Variants in OR11G2 observed in about 807,000 individuals in gnomAD.
OR11G2 encodes olfactory receptor family 11 subfamily G member 2.
Under a neutral mutation model 0.9 loss-of-function variants are expected in OR11G2, and 2 were observed. That is an observed-to-expected ratio of 2.35 (90% CI 0.96 to 7.38). The LOEUF is 7.38. OR11G2 is among the 30% of genes most tolerant of loss of function. The probability of loss-of-function intolerance (pLI) is 0.05; values close to 1 mark genes in which losing one functional copy is unlikely to be tolerated. For missense variants in OR11G2, 395 were observed against 371.3 expected (o/e 1.06, Z -0.52); for synonymous variants, 153 against 142.0 (o/e 1.08, Z -0.55).
chr14:20,192,833 T>A (rs1959340), intron 1 of OR11G2, among the ~76,000 whole-genome samples: 145,401 of 152,258 alleles, frequency 0.95, 69,503 homozygotes, highest in Non-Finnish European at 0.97. Flanking sequence ...AGAGCAAAAA[T>A]CCTGAGTCCT....
chr14:20,193,907 C>T (rs946282092), intron 1 of OR11G2, among the ~76,000 whole-genome samples: 2 of 152,124 alleles, frequency 1.3e-5, no homozygotes, highest in African/African-American at 4.8e-5. Context: ...TCAGTGGGAG[C>T]AGGAGAGCCC....
rs77418176 is a variant in OR11G2 at position 20,197,719 on chromosome 14, G to A, written c.282G>A (p.Lys94=). Residue 94 remains lysine (K), a synonymous_variant, in exon 2 of 2, where the codon AAG becomes AAA. Coordinates refer to ENST00000641879, the MANE Select transcript of OR11G2 (RefSeq NM_001386033.1). The part of the protein sequence containing the change: ...SMLANFLSDT[K]IISFSGCFLQ... The stretch of plus-strand genomic sequence containing the variant: ...TGGCCAACTTCCTCTCTGACACCAA[G>A]ATCATCTCGTTCTCTGGCTGCTTCC... The A allele has an allele frequency of 1.2e-6, 2 of 1,613,894 alleles. No homozygotes were observed. The highest frequency in any genetic ancestry group is 1.7e-5 in the Admixed American group (1 of 60,018).
At position 20,197,993 on chromosome 14, in the gene OR11G2, GC is replaced by G; in HGVS notation, c.557del (p.Ala186ValfsTer4). 6.2e-7 allele frequency: 1 copy of G among 1,602,446 alleles called. No individual in the cohort carries two copies. The highest frequency in any genetic ancestry group is 8.5e-7 in the Non-Finnish European group (1 of 1,176,606). On this transcript the variant is annotated frameshift_variant, in exon 2 of 2. Coordinates refer to ENST00000641879, the MANE Select transcript of OR11G2 (RefSeq NM_001386033.1). LOFTEE classifies it low-confidence loss of function (END_TRUNC). ...RIIDHFLCDP[A>X]PLLTLTCKKG... ...TATTGACCACTTCCTATGTGACCCA[GC>G]TCCTCTTCTAACTCTCACTTGCAAA...
In OR11G2 at chr14:20,198,654, G is replaced by A. The variant is rs1302361781; in HGVS notation, c.*281G>A. On this transcript the variant is annotated 3_prime_UTR_variant, in exon 2 of 2. Coordinates refer to ENST00000641879, the MANE Select transcript of OR11G2 (RefSeq NM_001386033.1). ...TGAGGCAGGAGAATGGCGTGAACCC[G>A]GGAGGCGGAGCTTGCAGTGAGCCGA... The A allele has an allele frequency of 5.3e-5, 10 of 190,348 alleles. No homozygotes were observed. The highest frequency in any genetic ancestry group is 8.8e-5 in the Non-Finnish European group (8 of 90,950). The allele number at this position is 190,348 out of a possible 1,614,324, so 11.8% of individuals were successfully genotyped here.
At chr14:20,192,014 T>A (rs1223386260) in intron 1 of OR11G2, among the ~76,000 whole-genome samples, 2 of 151,474 alleles carry the variant, frequency 1.3e-5, no homozygotes, top group African/African-American at 4.8e-5. Context: ...TGCTTCAGCC[T>A]CCCAAGTAGC....
intron 1 of OR11G2, among the ~76,000 whole-genome samples, chr14:20,192,922 T>C (rs1450302632): frequency 2.0e-5 from 3 of 152,050 alleles, no homozygotes; most frequent in African/African-American, 7.2e-5. Context: ...AGGGTGTACA[T>C]GTTATGTGTG....
At chr14:20,193,600 T>G (rs1184680662) in intron 1 of OR11G2, among the ~76,000 whole-genome samples, 3 of 152,230 alleles carry the variant, frequency 2.0e-5, no homozygotes, top group South Asian at 4.1e-4. Flanking sequence ...ATTTTTAATA[T>G]GTTTAAAAAT....
intron 1 of OR11G2, among the ~76,000 whole-genome samples, chr14:20,193,559 G>A (rs542048742): frequency 2.3e-4 from 35 of 152,324 alleles, no homozygotes; most frequent in Middle Eastern, 6.8e-3. Flanking sequence ...GCCTATTTTT[G>A]TAGGGCCAGC....
rs1879887046 is a variant in OR11G2, at chr14:20,200,779, G to T, written c.*2406G>T. ...TAGAAGACTAGTAAAATGAGCTATG[G>T]TGAGTTATACCATGGAATATTATGT... On this transcript the variant is annotated 3_prime_UTR_variant, in exon 2 of 2. Coordinates refer to ENST00000641879, the MANE Select transcript of OR11G2 (RefSeq NM_001386033.1). 6.6e-6 allele frequency: 1 copy of T among 152,176 alleles called. No individual in the cohort carries two copies. The highest frequency in any genetic ancestry group is 2.1e-4 in the South Asian group (1 of 4,832). 9.4% of individuals were successfully genotyped at this position (152,176 alleles called of 1,614,324 possible). A position where few individuals can be genotyped will look rare whatever the true frequency, so the allele number is the denominator to read the frequency against.
At position 20,197,618 on chromosome 14, in the gene OR11G2, G is replaced by A. The variant is rs562872648; in HGVS notation, c.181G>A (p.Ala61Thr). The change falls in exon 2 of 2, where the codon GCC (alanine) becomes ACC (threonine). Residue 61 changes from alanine to threonine, a missense_variant. Coordinates refer to ENST00000641879, the MANE Select transcript of OR11G2 (RefSeq NM_001386033.1). ...TGTGCACTGGGATCAGAGACTCCAC[G>A]CCCCCATGTACATCCTGCTCGCCAA... Reference protein sequence around the residue: ...CAVHWDQRLHAPMYILLANFS... With the variant: ...CAVHWDQRLHTPMYILLANFS... 7.6e-5 allele frequency: 123 copies of A among 1,614,004 alleles called. No homozygotes were observed. In the East Asian group the frequency reaches 2.4e-3, roughly 32 times the overall value.
chr14:20,196,268 C>G (rs1029294500), intron 1 of OR11G2, among the ~76,000 whole-genome samples: 2 of 152,182 alleles, frequency 1.3e-5, no homozygotes, highest in Non-Finnish European at 2.9e-5. Context: ...TTGCCTTCAG[C>G]TGGAAATAAT....
intron 1 of OR11G2, chr14:20,197,193 A>C (rs1477936292): frequency 1.7e-6 from 1 of 592,822 alleles, no homozygotes; most frequent in African/African-American, 1.9e-5. Context: ...TTTGGTCAAA[A>C]GTTTTCTTGA....
At chr14:20,195,332 G>C (rs1879730632) in intron 1 of OR11G2, among the ~76,000 whole-genome samples, 1 of 152,182 alleles carries the variant, frequency 6.6e-6, no homozygotes, top group Admixed American at 6.5e-5. Flanking sequence ...TGGAGGTCAG[G>C]AGTTCAAGAC....
Position 20,191,670 on chromosome 14 carries a change from A to C in OR11G2, c.-5+4A>C, listed in dbSNP as rs930386699. 1 of 152,236 alleles carries C rather than the reference A, an allele frequency of 6.6e-6. No homozygotes were observed. The highest frequency in any genetic ancestry group is 2.4e-5 in the African/African-American group (1 of 41,464). 9.4% of individuals were successfully genotyped at this position (152,236 alleles called of 1,614,324 possible). On this transcript the variant is annotated splice_donor_region_variant and intron_variant, in intron 1 of 1. Coordinates refer to ENST00000641879, the MANE Select transcript of OR11G2 (RefSeq NM_001386033.1). ...CAGAGGAGCTAGGTAATAAAAGGTG[A>C]GTAACATTACACTCTTGTTAGAAAT...
Position 20,197,472 on chromosome 14 carries a change from C to T in OR11G2, c.35C>T (p.Thr12Ile). 9 of 1,614,046 alleles carry T rather than the reference C, an allele frequency of 5.6e-6. No individual in the cohort carries two copies. The highest frequency in any genetic ancestry group is 1.1e-5 in the South Asian group (1 of 91,066). Residue 12 changes from threonine to isoleucine, a missense_variant, in exon 2 of 2, where the codon ACC (threonine) becomes ATC (isoleucine). By Grantham distance (89) the Thr-to-Ile change is moderately conservative (BLOSUM62 -1). Coordinates refer to ENST00000641879, the MANE Select transcript of OR11G2 (RefSeq NM_001386033.1). The stretch of plus-strand genomic sequence containing the variant: ...TTCAACAGCCCCAGCAACTCCAGCA[C>T]CTTCACTGGCTTCATCCTCCTGGGC... ...KIFNSPSNSS[T>I]FTGFILLGFP...
At chr14:20,194,452 G>A (rs963353259) in intron 1 of OR11G2, among the ~76,000 whole-genome samples, 1 of 152,152 alleles carries the variant, frequency 6.6e-6, no homozygotes, top group Non-Finnish European at 1.5e-5. Flanking sequence ...TAGAGGAAAA[G>A]AAGGAGATAC....
chr14:20,196,216 G>A (rs1264650473), intron 1 of OR11G2, among the ~76,000 whole-genome samples: 3 of 152,164 alleles, frequency 2.0e-5, no homozygotes, highest in Non-Finnish European at 4.4e-5. Flanking sequence ...GCAAATAATA[G>A]GGGGAAGACA....
Position 20,200,140 on chromosome 14 carries a change from G to T in OR11G2, c.*1767G>T, listed in dbSNP as rs1055188899. 7.6e-5 allele frequency: 9 copies of T among 117,848 alleles called. No homozygotes were observed. The highest frequency in any genetic ancestry group is 7.1e-4 in the Admixed American group (7 of 9,872). 7.3% of individuals were successfully genotyped at this position (117,848 alleles called of 1,614,324 possible). On this transcript the variant is annotated 3_prime_UTR_variant, in exon 2 of 2. Coordinates refer to ENST00000641879, the MANE Select transcript of OR11G2 (RefSeq NM_001386033.1). ...GGGAATCAGGGAGCAATTTGCTGAG[G>T]ATAATGACTTAATTCCAAAAAAAAA...
intron 1 of OR11G2, among the ~76,000 whole-genome samples, chr14:20,196,436 G>A (rs1004315878): frequency 2.0e-5 from 3 of 152,112 alleles, no homozygotes; most frequent in African/African-American, 7.2e-5. Context: ...ATTTAGAAAG[G>A]GCTCTAACTA....
Sources: allele counts gnomAD v4.1 joint callset (sites outside exome capture counted in the v4.1 genomes callset), GRCh38; gene constraint gnomAD v4.1.1; transcripts MANE v1.5; gene names NCBI Gene and HGNC (gene_info 2026-07-23, HGNC 2026-07-21).